Variants in SMIM14 observed in about 807,000 individuals in gnomAD.
The protein encoded by SMIM14 is small integral membrane protein 14.
In SMIM14, 5 loss-of-function variants were observed where a neutral mutation model predicts 12.6. The observed-to-expected ratio is 0.40, with a 90% CI of 0.21 to 0.83. SMIM14 has a LOEUF of 0.83. Ranked by LOEUF, SMIM14 falls within the 40% of genes least tolerant of loss-of-function variation. The pLI, the probability that SMIM14 is intolerant of heterozygous loss-of-function variation, is 0.37. For missense variants in SMIM14, 86 were observed against 119.1 expected (o/e 0.72, Z 1.29); for synonymous variants, 30 against 40.1 (o/e 0.75, Z 0.95).
intron 3 of SMIM14, among the ~76,000 whole-genome samples, chr4:39,561,737 T>C (rs530486158): frequency 1.3e-5 from 2 of 152,078 alleles, no homozygotes; most frequent in East Asian, 3.9e-4. Flanking sequence ...CTGGCCAACA[T>C]GGTGTTGGCC....
chr4:39,578,218 G>A (rs918171085), intron 2 of SMIM14, among the ~76,000 whole-genome samples: 5 of 152,256 alleles, frequency 3.3e-5, no homozygotes, highest in African/African-American at 1.2e-4. Context: ...CACAATCATA[G>A]CTCACTGCAG....
In SMIM14 at chr4:39,581,541, G is replaced by T. The variant is rs575914847; in HGVS notation, c.76-9078C>A. ...TTCTTTTTTTTTTTTTTTGAGACAG[G>T]GTCTTGATCTGTCACCCAGGCTGGA... On this transcript the variant is annotated intron_variant, in intron 2 of 4. Transcript: ENST00000295958. 1.1e-3 allele frequency among the ~76,000 whole-genome samples: 121 copies of T among 111,642 alleles called. 5 individuals carry two copies. The East Asian group carries it at 0.029, about 27-fold the overall frequency. 73.2% of individuals were successfully genotyped at this position (111,642 alleles called of 152,430 possible). A position where few individuals can be genotyped will look rare whatever the true frequency, so the allele number is the denominator to read the frequency against.
chr4:39,588,863 G>A (rs1199288158), intron 2 of SMIM14, among the ~76,000 whole-genome samples: 1 of 151,806 alleles, frequency 6.6e-6, no homozygotes, highest in Non-Finnish European at 1.5e-5. Context: ...TTTTACAAAA[G>A]TTTTAACACA....
At chr4:39,619,341 T>G (rs1463205832) in intron 1 of SMIM14, among the ~76,000 whole-genome samples, 1 of 78,282 alleles carries the variant, frequency 1.3e-5, no homozygotes, top group African/African-American at 5.4e-5. Flanking sequence ...TATATATCAA[T>G]AAATATAATT....
At chr4:39,624,984 A>C (rs562826154) in intron 1 of SMIM14, among the ~76,000 whole-genome samples, 2 of 151,402 alleles carry the variant, frequency 1.3e-5, no homozygotes, top group African/African-American at 4.9e-5. Flanking sequence ...AGGCAGGCAG[A>C]TCATGAGGTC....
chr4:39,602,316 C>G (rs62307813), intron 2 of SMIM14, among the ~76,000 whole-genome samples: 2 of 151,420 alleles, frequency 1.3e-5, no homozygotes, highest in African/African-American at 4.9e-5. Context: ...GAATATTGGC[C>G]GGGCGCAGTG....
chr4:39,571,315 C>T (rs773770974), intron 3 of SMIM14, among the ~76,000 whole-genome samples: 3 of 151,882 alleles, frequency 2.0e-5, no homozygotes, highest in Non-Finnish European at 2.9e-5. Flanking sequence ...TGGTGACTCA[C>T]GCCTGTAATC....
intron 1 of SMIM14, among the ~76,000 whole-genome samples, chr4:39,614,405 T>C (rs1256118201): frequency 1.3e-5 from 2 of 151,130 alleles, no homozygotes; most frequent in Non-Finnish European, 2.9e-5. Context: ...CCCTGCAACC[T>C]CCACCTCCCA....
chr4:39,627,636 G>T (rs1192168166), intron 1 of SMIM14, among the ~76,000 whole-genome samples: 3 of 152,154 alleles, frequency 2.0e-5, no homozygotes, highest in Non-Finnish European at 4.4e-5. Flanking sequence ...TTAACCCTTA[G>T]CCCAAGTTCT....
In SMIM14 at chr4:39,561,376, GA is replaced by G. The variant is rs373336385; in HGVS notation, c.125-4807del. On this transcript the variant is annotated intron_variant, in intron 3 of 4. Transcript: ENST00000295958. ...CCAGCACTTTGGGAGGCCAAGGCAGGAAGATCCCTTGAGCTCAGGAGCTCAA... is the reference window on the plus strand; with the variant it reads ...CCAGCACTTTGGGAGGCCAAGGCAGGAGATCCCTTGAGCTCAGGAGCTCAA... Among the ~76,000 whole-genome samples the G allele has an allele frequency of 1.4e-4, 21 of 152,262 alleles. No individual in the cohort carries two copies. The East Asian group carries it at 2.7e-3, about 20-fold the overall frequency.
At position 39,553,146 on chromosome 4, in the gene SMIM14, C is replaced by T. The variant is rs1711810028; in HGVS notation, c.268-988G>A. The stretch of plus-strand genomic sequence containing the variant: ...TGAGATCTCGGCTCACTGCAAACTC[C>T]GCCTCCCGGGTTCAAGTGATTCGCC... On this transcript the variant is annotated intron_variant, in intron 4 of 4. Coordinates refer to ENST00000295958, the MANE Select transcript of SMIM14 (RefSeq NM_174921.3). Among the ~76,000 whole-genome samples, 4 of 149,208 alleles carry T rather than the reference C, an allele frequency of 2.7e-5. No individual in the cohort carries two copies. The South Asian group carries it at 6.4e-4, about 24-fold the overall frequency.
chr4:39,569,736 CA>C (rs34564206), intron 3 of SMIM14, among the ~76,000 whole-genome samples: 51,471 of 144,052 alleles, frequency 0.36, 10,878 homozygotes, highest in African/African-American at 0.58. Context: ...GACTCTGTCT[CA>C]AAAAAAAAAG....
chr4:39,602,762 T>C (rs1319255514), intron 2 of SMIM14, among the ~76,000 whole-genome samples: 6 of 152,146 alleles, frequency 3.9e-5, no homozygotes, highest in Non-Finnish European at 8.8e-5. Context: ...TTCCTTTCCT[T>C]CTGAGGCATT....
chr4:39,619,743 A>T (rs1295406902), intron 1 of SMIM14, among the ~76,000 whole-genome samples: 4 of 95,704 alleles, frequency 4.2e-5, no homozygotes, highest in Non-Finnish European at 8.5e-5. Flanking sequence ...TATATCAATA[A>T]ATATAATTTA....
At chr4:39,613,119 A>T (rs1036010334) in intron 1 of SMIM14, among the ~76,000 whole-genome samples, 1 of 151,890 alleles carries the variant, frequency 6.6e-6, no homozygotes, top group East Asian at 1.9e-4. Context: ...CACCACCCCT[A>T]AAAAAAACAG....
At chr4:39,633,189 G>A (rs1459574911) in intron 1 of SMIM14, among the ~76,000 whole-genome samples, 1 of 151,886 alleles carries the variant, frequency 6.6e-6, no homozygotes, top group Non-Finnish European at 1.5e-5. Flanking sequence ...AGCTACTCAG[G>A]AGGCTGAGGC....
At chr4:39,620,296 G>A (rs1417498250) in intron 1 of SMIM14, among the ~76,000 whole-genome samples, 22 of 151,710 alleles carry the variant, frequency 1.5e-4, no homozygotes, top group African/African-American at 5.3e-4. Flanking sequence ...TGCCTAACAC[G>A]CTGAAACCCC....
chr4:39,573,374 A>G (rs1663874746), intron 2 of SMIM14, among the ~76,000 whole-genome samples: 1 of 152,194 alleles, frequency 6.6e-6, no homozygotes, highest in African/African-American at 2.4e-5. Flanking sequence ...CTGGGATTAC[A>G]GGCATGAGCC....
chr4:39,605,995 C>A (rs71606180), intron 1 of SMIM14, among the ~76,000 whole-genome samples: 10,844 of 152,218 alleles, frequency 0.071, 460 homozygotes, highest in East Asian at 0.095. Context: ...ACCTCGGCCT[C>A]CCAAAGTGCT....
Sources: gnomAD v4.1 joint callset for allele counts (sites outside exome capture counted in the v4.1 genomes callset) on GRCh38, gnomAD v4.1.1 for gene constraint, MANE v1.5 for transcripts, NCBI Gene and HGNC (gene_info 2026-07-23, HGNC 2026-07-21) for gene names.